ZNF610: variants seen among roughly 807,000 people sequenced by gnomAD.
ZNF610 encodes the protein zink finger protein.
Under a neutral mutation model 14.1 loss-of-function variants are expected in ZNF610, and 14 were observed. The observed-to-expected ratio is 0.99, with a 90% confidence interval of 0.65 to 1.55. The LOEUF (loss-of-function observed/expected upper bound fraction) is 1.55, where lower values mean the gene tolerates loss of function less well. Among genes scored for constraint, ZNF610 ranks in the 40% most tolerant of loss-of-function variants. The pLI, the probability that ZNF610 is intolerant of heterozygous loss-of-function variation, is 0.00. For missense variants in ZNF610, 530 were observed against 558.0 expected, an observed-to-expected ratio of 0.95 and a Z score of 0.51; for synonymous variants, 185 against 187.6, an observed-to-expected ratio of 0.99 and a Z score of 0.11.
intron 5 of ZNF610, among the ~76,000 whole-genome samples, chr19:52,355,330 G>A (rs1320191187): frequency 6.6e-6 from 1 of 152,150 alleles, no homozygotes; most frequent in East Asian, 1.9e-4. Flanking sequence ...GAGAGAACAT[G>A]AGCTACTCTT....
intron 5 of ZNF610, among the ~76,000 whole-genome samples, chr19:52,357,973 G>A (rs995018363): frequency 6.6e-6 from 1 of 152,050 alleles, no homozygotes; most frequent in African/African-American, 2.4e-5. Flanking sequence ...TCAGCCTCGG[G>A]GTGTTCAGCT....
intron 3 of ZNF610, 90 bp downstream of exon 3, chr19:52,349,325 A>C (rs1985130805): frequency 3.5e-6 from 5 of 1,426,244 alleles, no homozygotes; most frequent in Non-Finnish European, 4.9e-6. Context: ...ACACTCACCC[A>C]TGCCTTCCCT....
At chr19:52,340,869 C>T (rs770110420) in intron 1 of ZNF610, among the ~76,000 whole-genome samples, 14 of 151,858 alleles carry the variant, frequency 9.2e-5, no homozygotes, top group Admixed American at 4.6e-4. Context: ...TTAGTAGAGA[C>T]GGGGTTTCAC....
At chr19:52,349,568 C>G (rs1298599324) in intron 3 of ZNF610, among the ~76,000 whole-genome samples, 1 of 149,940 alleles carries the variant, frequency 6.7e-6, no homozygotes, top group African/African-American at 2.5e-5. Flanking sequence ...CAATGGAAGT[C>G]ACGTATTTTT....
In ZNF610 at chr19:52,365,932, A is replaced by G. The variant is rs1986007392; in HGVS notation, c.554A>G (p.Asp185Gly). ...AATAAATATAGAAATGATCTTATTG[A>G]TTTCCCATTACTCCCACAAGAAGAG... ...IFNKYRNDLIDFPLLPQEEKA... is the reference protein window; with the variant it reads ...IFNKYRNDLIGFPLLPQEEKA... The change falls in exon 6 of 6, where the codon GAT becomes GGT. Residue 185 changes from aspartate to glycine, a missense_variant. Physicochemically the swap from Asp to Gly is moderately conservative, Grantham distance 94. Transcript: ENST00000403906. 3.1e-6 allele frequency: 5 copies of G among 1,613,052 alleles called. No individual in the cohort carries two copies. The highest frequency in any genetic ancestry group is 3.4e-6 in the Non-Finnish European group (4 of 1,179,624).
Position 52,350,394 on chromosome 19 carries a change from T to C in ZNF610, c.63+1159T>C, listed in dbSNP as rs539259841. ...CCTGTAGAAATATATTTATACAGCATTGGCCGGGCGTGGTGGCTCACGCCT... is the reference window on the plus strand; with the variant it reads ...CCTGTAGAAATATATTTATACAGCACTGGCCGGGCGTGGTGGCTCACGCCT... On this transcript the variant is annotated intron_variant, in intron 3 of 5. Transcript: ENST00000403906. 7.2e-5 allele frequency among the ~76,000 whole-genome samples: 11 copies of C among 152,272 alleles called. 1 individual carries two copies. Among genetic ancestry groups the C allele is most frequent in the East Asian group, 5.8e-4 (3 of 5,174 alleles).
Position 52,366,815 on chromosome 19 carries a change from G to A in ZNF610, c.*48G>A. The A allele has an allele frequency of 4.2e-6, 6 of 1,434,882 alleles. No individual in the cohort carries two copies. Among genetic ancestry groups the A allele is most frequent in the Non-Finnish European group, 5.7e-6 (6 of 1,047,606 alleles). The allele number at this position is 1,434,882 out of a possible 1,614,324, so 88.9% of individuals were successfully genotyped here. ...AATTCACACCTAGCACAACATTGGAGGACTCAGGAGAAAAACCTTACAAAT... is the reference window on the plus strand; with the variant it reads ...AATTCACACCTAGCACAACATTGGAAGACTCAGGAGAAAAACCTTACAAAT... On this transcript the variant is annotated 3_prime_UTR_variant, in exon 6 of 6. Coordinates refer to ENST00000403906, the MANE Select transcript of ZNF610 (RefSeq NM_001161425.2).
intron 5 of ZNF610, among the ~76,000 whole-genome samples, chr19:52,358,184 T>G (rs1371211101): frequency 1.3e-5 from 2 of 152,160 alleles, no homozygotes; most frequent in Admixed American, 6.6e-5. Context: ...AAAGAATGCT[T>G]CTTTTGCTTT....
rs758681128 is a variant in ZNF610 at position 52,365,939 on chromosome 19, A to G, written c.561A>G (p.Pro187=). ...ATAGAAATGATCTTATTGATTTCCC[A>G]TTACTCCCACAAGAAGAGAAAGCAT... ...NKYRNDLIDF[P]LLPQEEKAYI... is the part of the protein sequence containing the mutation. The change falls in exon 6 of 6, where the codon CCA becomes CCG. Residue 187 remains proline (P), a synonymous_variant. Transcript: ENST00000403906. 1.2e-6 allele frequency: 2 copies of G among 1,613,382 alleles called. No individual in the cohort carries two copies. Among genetic ancestry groups the G allele is most frequent in the African/African-American group, 1.3e-5 (1 of 74,874 alleles).
intron 5 of ZNF610, among the ~76,000 whole-genome samples, chr19:52,365,156 G>A (rs1312982864): frequency 6.6e-6 from 1 of 151,990 alleles, no homozygotes; most frequent in East Asian, 1.9e-4. Context: ...GCTGATGCAG[G>A]GGAATTGCTT....
intron 1 of ZNF610, among the ~76,000 whole-genome samples, chr19:52,339,136 A>C (rs771470508): frequency 1.3e-5 from 2 of 152,070 alleles, no homozygotes; most frequent in East Asian, 1.9e-4. Context: ...TATTGCTGCC[A>C]GCATGTCTCA....
chr19:52,349,868 C>T (rs1030191046), intron 3 of ZNF610, among the ~76,000 whole-genome samples: 7 of 152,188 alleles, frequency 4.6e-5, no homozygotes, highest in African/African-American at 1.7e-4. Flanking sequence ...CGCGCCTGGC[C>T]TGAAGTCACA....
At chr19:52,354,563 C>T (rs977428819) in intron 5 of ZNF610, among the ~76,000 whole-genome samples, 184 bp downstream of exon 5, 1 of 151,224 alleles carries the variant, frequency 6.6e-6, no homozygotes, top group Non-Finnish European at 1.5e-5. Flanking sequence ...AGCCACTGCA[C>T]CTTGCAAAGC....
In ZNF610 at chr19:52,366,208, G is replaced by A. The variant is rs778708814; in HGVS notation, c.830G>A (p.Arg277Gln). The A allele has an allele frequency of 5.0e-6, 8 of 1,613,736 alleles. No individual in the cohort carries two copies. The highest frequency in any genetic ancestry group is 3.3e-5 in the Admixed American group (2 of 59,974). ...KVFNRNSNLA[R>Q]HQRIHTGEKP... ...TTTAATCGCAATTCAAACCTTGCACGACATCAAAGAATTCATACTGGAGAG... is the reference window on the plus strand; with the variant it reads ...TTTAATCGCAATTCAAACCTTGCACAACATCAAAGAATTCATACTGGAGAG... The change falls in exon 6 of 6, where the codon CGA becomes CAA. Residue 277 changes from arginine to glutamine, a missense_variant. Arg to Gln is a conservative substitution (Grantham distance 43, BLOSUM62 1). Transcript: ENST00000403906.
intron 1 of ZNF610, among the ~76,000 whole-genome samples, chr19:52,337,616 AGAGCTGTACAGAATGAGG>A (rs1600228102): frequency 6.6e-6 from 1 of 152,108 alleles, no homozygotes; most frequent in African/African-American, 2.4e-5. Flanking sequence ...TAAGAATGAG[AGAGCTGTACAGAATGAGG>A]GAGGGAAACA....
intron 1 of ZNF610, among the ~76,000 whole-genome samples, chr19:52,343,128 C>T (rs1984765817): frequency 6.6e-6 from 1 of 152,160 alleles, no homozygotes; most frequent in African/African-American, 2.4e-5. Flanking sequence ...AACACGTATC[C>T]CCAGCAGTCC....
At chr19:52,352,269 A>G (rs755418184) in intron 3 of ZNF610, among the ~76,000 whole-genome samples, 22 of 151,028 alleles carry the variant, frequency 1.5e-4, no homozygotes, top group Non-Finnish European at 2.5e-4. Context: ...GGAGTGTTTC[A>G]CTCTTGTTGC....
intron 1 of ZNF610, among the ~76,000 whole-genome samples, chr19:52,342,573 G>A (rs1200650091): frequency 1.3e-5 from 2 of 149,350 alleles, no homozygotes; most frequent in South Asian, 4.2e-4. Context: ...GGGCTGGAGT[G>A]TAGTGGCGCA....
At chr19:52,339,075 G>A (rs1984537165) in intron 1 of ZNF610, among the ~76,000 whole-genome samples, 1 of 152,018 alleles carries the variant, frequency 6.6e-6, no homozygotes, top group Admixed American at 6.6e-5. Context: ...AAGGAAACGT[G>A]CTGTGCCTTG....
Sources: allele counts gnomAD v4.1 joint callset (sites outside exome capture counted in the v4.1 genomes callset), GRCh38; gene constraint gnomAD v4.1.1; transcripts MANE v1.5; gene names NCBI Gene and HGNC (gene_info 2026-07-23, HGNC 2026-07-21).